Variants in ZNF469 observed in about 807,000 individuals in gnomAD.
ZNF469 encodes the protein zinc finger protein 469.
In ZNF469, 1 loss-of-function variant was observed where a neutral mutation model predicts 1.0. That is an observed-to-expected ratio of 1.00 (90% CI 0.35 to 4.73). The LOEUF (loss-of-function observed/expected upper bound fraction) is 4.73, where lower values mean the gene tolerates loss of function less well. ZNF469 is among the 30% of genes most tolerant of loss of function. The pLI is 0.16. For missense variants in ZNF469, 6,100 were observed against 5,356.3 expected (o/e 1.14, Z -4.33); for synonymous variants, 2,703 against 2,363.4 (o/e 1.14, Z -4.17).
At chr16:88,334,766 G>A in the ZNF469 span, among the ~76,000 whole-genome samples, 3 of 152,332 alleles carry the variant, frequency 2.0e-5, no homozygotes, top group South Asian at 2.1e-4. Context: ...GCCTGAGATG[G>A]GAAGATGCCG....
chr16:88,317,079 C>A, the ZNF469 span, among the ~76,000 whole-genome samples: 1 of 152,186 alleles, frequency 6.6e-6, no homozygotes, highest in Non-Finnish European at 1.5e-5. Flanking sequence ...AGGGGCCGGC[C>A]GGCCAGAGGC....
chr16:88,164,856 G>A, the ZNF469 span, among the ~76,000 whole-genome samples: 1 of 152,190 alleles, frequency 6.6e-6, no homozygotes, highest in African/African-American at 2.4e-5. Context: ...TTGGAGGCAG[G>A]ACCAGCACAG....
chr16:88,136,156 C>T, the ZNF469 span, among the ~76,000 whole-genome samples: 1 of 152,294 alleles, frequency 6.6e-6, no homozygotes, highest in Non-Finnish European at 1.5e-5. Context: ...ACAGCAGTGC[C>T]AGAGGTGCTG....
the ZNF469 span, among the ~76,000 whole-genome samples, chr16:88,335,114 T>C: frequency 6.6e-6 from 1 of 152,222 alleles, no homozygotes; most frequent in Non-Finnish European, 1.5e-5. Context: ...TGCGCATGCC[T>C]TGATCTGGGA....
rs1488340263 is a variant in ZNF469 at position 88,432,272 on chromosome 16, C to T, written c.4802C>T (p.Thr1601Ile). 64 of 1,547,406 alleles carry T rather than the reference C, an allele frequency of 4.1e-5. No homozygotes were observed. Among genetic ancestry groups the T allele is most frequent in the Non-Finnish European group, 5.4e-5 (62 of 1,146,982 alleles). The change falls in exon 3 of 3, where the codon ACA (threonine) becomes ATA (isoleucine). Residue 1601 changes from threonine (T) to isoleucine (I), a missense_variant. By Grantham distance (89) the Thr-to-Ile change is moderately conservative. Coordinates refer to ENST00000565624, the MANE Select transcript of ZNF469 (RefSeq NM_001367624.2). ...AESVGRVELGTGTEPPSQRRT... is the reference protein window; with the variant it reads ...AESVGRVELGIGTEPPSQRRT... ...TCGGTGGGCAGGGTGGAGCTCGGCACAGGCACAGAGCCACCCTCCCAACGG... is the reference window on the plus strand; with the variant it reads ...TCGGTGGGCAGGGTGGAGCTCGGCATAGGCACAGAGCCACCCTCCCAACGG...
chr16:88,430,807 G>A lies in ZNF469; in HGVS notation c.3337G>A (p.Gly1113Ser), dbSNP rs2142303833. ...QPPPRGPGFR[G>S]RRGRGEKRKE... Reference sequence around the variant, plus strand: ...TCCGCCGCGGGGCCCCGGCTTCAGAGGCCGGCGGGGCCGAGGCGAGAAGAG... The same window carrying A: ...TCCGCCGCGGGGCCCCGGCTTCAGAAGCCGGCGGGGCCGAGGCGAGAAGAG... Residue 1113 changes from glycine (G) to serine (S), a missense_variant, in exon 3 of 3, where the codon GGC becomes AGC. Physicochemically the swap from Gly to Ser is moderately conservative, Grantham distance 56. Transcript: ENST00000565624. 6.5e-7 allele frequency: 1 copy of A among 1,530,642 alleles called. No individual in the cohort carries two copies. Among genetic ancestry groups the A allele is most frequent in the Non-Finnish European group, 8.7e-7 (1 of 1,144,674 alleles). The allele number at this position is 1,530,642 out of a possible 1,614,324, so 94.8% of individuals were successfully genotyped here. A position where few individuals can be genotyped will look rare whatever the true frequency, so the allele number is the denominator to read the frequency against.
the ZNF469 span, among the ~76,000 whole-genome samples, chr16:88,303,471 C>G: frequency 6.6e-6 from 1 of 152,190 alleles, no homozygotes; most frequent in Admixed American, 6.5e-5. Context: ...AAGGGCCCAC[C>G]ACAGCCTGCA....
the ZNF469 span, among the ~76,000 whole-genome samples, chr16:88,295,824 G>T: frequency 6.6e-6 from 1 of 152,164 alleles, no homozygotes; most frequent in Non-Finnish European, 1.5e-5. Flanking sequence ...AACACCATCT[G>T]CTCTCTGCGT....
At chr16:88,213,281 A>G in the ZNF469 span, among the ~76,000 whole-genome samples, 1 of 151,878 alleles carries the variant, frequency 6.6e-6, no homozygotes, top group African/African-American at 2.4e-5. Context: ...TTGTATTTTT[A>G]GTAGAGACAG....
the ZNF469 span, among the ~76,000 whole-genome samples, chr16:88,151,468 T>A: frequency 6.6e-6 from 1 of 152,194 alleles, no homozygotes; most frequent in African/African-American, 2.4e-5. The surrounding 1 kb of genome is among the most constrained non-coding windows in gnomAD (Gnocchi z 5.4). Flanking sequence ...TCCAACCAAT[T>A]TCGCTTTGCG....
Position 88,437,283 on chromosome 16 carries a change from G to A in ZNF469, c.9813G>A (p.Ala3271=), listed in dbSNP as rs1189348155. Residue 3271 remains alanine, a synonymous_variant, in exon 3 of 3, where the codon GCG becomes GCA. Transcript: ENST00000565624. ...EAKKDSPGER[A]KPRARSTPSN... is the part of the protein sequence containing the mutation. The stretch of plus-strand genomic sequence containing the variant: ...AGAAAGACAGCCCGGGCGAGAGGGC[G>A]AAACCCCGGGCACGCAGCACCCCCA... 4 of 1,548,034 alleles carry A rather than the reference G, an allele frequency of 2.6e-6. No individual in the cohort carries two copies. The highest frequency in any genetic ancestry group is 2.6e-6 in the Non-Finnish European group (3 of 1,145,662).
the ZNF469 span, among the ~76,000 whole-genome samples, chr16:88,159,529 A>AGTGT: frequency 6.6e-6 from 1 of 152,038 alleles, no homozygotes; most frequent in African/African-American, 2.4e-5. Flanking sequence ...ATGAGCGCAG[A>AGTGT]GTGTGGAGCG....
chr16:88,336,676 G>A, the ZNF469 span, among the ~76,000 whole-genome samples: 1 of 152,214 alleles, frequency 6.6e-6, no homozygotes, highest in Non-Finnish European at 1.5e-5. Flanking sequence ...ACACCGACAT[G>A]CCAATACCAC....
chr16:88,195,690 G>C, the ZNF469 span, among the ~76,000 whole-genome samples: 12 of 152,242 alleles, frequency 7.9e-5, no homozygotes, highest in African/African-American at 2.9e-4. Flanking sequence ...GAAGAAAAGG[G>C]GGAAGAGGGC....
the ZNF469 span, chr16:88,276,563 A>C: frequency 3.3e-5 from 5 of 152,278 alleles, no homozygotes; most frequent in Admixed American, 3.3e-4. Flanking sequence ...CGCCACTGCC[A>C]GGCATCACAG....
chr16:88,184,982 T>C, the ZNF469 span, among the ~76,000 whole-genome samples: 1 of 151,748 alleles, frequency 6.6e-6, no homozygotes, highest in Non-Finnish European at 1.5e-5. Context: ...GACTTACATA[T>C]TCACACTCAC....
the ZNF469 span, among the ~76,000 whole-genome samples, chr16:88,342,833 G>T: frequency 6.6e-6 from 1 of 152,254 alleles, no homozygotes; most frequent in Non-Finnish European, 1.5e-5. Context: ...CCAGCATAGG[G>T]CGATACCCGT....
At chr16:88,416,212 C>T (rs942656868) in intron 1 of ZNF469, among the ~76,000 whole-genome samples, 3 of 152,194 alleles carry the variant, frequency 2.0e-5, no homozygotes, top group Non-Finnish European at 2.9e-5. Flanking sequence ...TAGGCCTCAT[C>T]GGTCCCGGTT....
the ZNF469 span, among the ~76,000 whole-genome samples, chr16:88,291,087 G>A: frequency 1.2e-4 from 19 of 152,224 alleles, no homozygotes; most frequent in African/African-American, 4.6e-4. Context: ...GCTTCCCTCT[G>A]GGAGACACAC....
Sources: gnomAD v4.1 joint callset for allele counts (sites outside exome capture counted in the v4.1 genomes callset) on GRCh38, gnomAD v4.1.1 for gene constraint, Gnocchi (gnomAD v3.1) non-coding constraint, MANE v1.5 for transcripts, NCBI Gene and HGNC (gene_info 2026-07-23, HGNC 2026-07-21) for gene names.